CAMK4: variants seen among roughly 807,000 people sequenced by gnomAD.
CAMK4 encodes the protein calcium/calmodulin-dependent protein kinase type IV.
Under a neutral mutation model 44.9 loss-of-function variants are expected in CAMK4, and 22 were observed. That is an observed-to-expected ratio of 0.49 (90% CI 0.35 to 0.70). The LOEUF is 0.70. Among genes scored for constraint, CAMK4 ranks in the 30% least tolerant of loss-of-function variants. The pLI, the probability that CAMK4 is intolerant of heterozygous loss-of-function variation, is 0.01. For missense variants in CAMK4, 498 were observed against 586.8 expected, an observed-to-expected ratio of 0.85 and a Z score of 1.56; for synonymous variants, 218 against 215.4, an observed-to-expected ratio of 1.01 and a Z score of -0.11.
At chr5:111,281,076 T>C (rs1750990981) in intron 1 of CAMK4, among the ~76,000 whole-genome samples, 1 of 152,192 alleles carries the variant, frequency 6.6e-6, no homozygotes, top group Non-Finnish European at 1.5e-5. Flanking sequence ...CAAATCAAGT[T>C]GTGGAAAGTT....
At position 111,343,990 on chromosome 5, in the gene CAMK4, A is replaced by G. The variant is rs770879959; in HGVS notation, c.162-34A>G. On this transcript the variant is annotated intron_variant, in intron 1 of 10. Transcript: ENST00000282356. ...TTCCCCTTTAATTCATGTCCAAAGC[A>G]TAACATTTTCTTTTTGTCTTTTTCC... 5 of 1,282,512 alleles carry G rather than the reference A, an allele frequency of 3.9e-6. No homozygotes were observed. The South Asian group carries it at 4.9e-5, about 13-fold the overall frequency. The allele number at this position is 1,282,512 out of a possible 1,614,324, so 79.4% of individuals were successfully genotyped here.
At chr5:111,473,474 G>A (rs1755135349) in intron 8 of CAMK4, 88 bp downstream of exon 8, 10 of 862,570 alleles carry the variant, frequency 1.2e-5, no homozygotes, top group Middle Eastern at 2.3e-4. Flanking sequence ...AAACCATAAA[G>A]ATTACTTTTT....
In CAMK4 at chr5:111,374,850, G is replaced by A. The variant is rs1580669380; in HGVS notation, c.241G>A (p.Val81Met). ...PYALKVLKKT[V>M]DKKIVRTEIG... is the part of the protein sequence containing the mutation. ...TTATCTCTTTTATTTTGCCTTTTAG[G>A]TGGACAAAAAAATCGTAAGAACTGA... The change falls in exon 3 of 11, where the codon GTG becomes ATG. Residue 81 changes from valine (V) to methionine (M), a missense_variant and splice_region_variant. This residue lies in a region of CAMK4 where 152 missense variants were observed against 143.7 expected (regional missense o/e 1.06). Transcript: ENST00000282356. The A allele has an allele frequency of 1.2e-6, 2 of 1,605,416 alleles. No homozygotes were observed.
chr5:111,458,677 T>G (rs1754525686), intron 7 of CAMK4, among the ~76,000 whole-genome samples: 1 of 152,190 alleles, frequency 6.6e-6, no homozygotes, highest in Non-Finnish European at 1.5e-5. Context: ...GGTTACAGTT[T>G]AAACAAGGTA....
intron 1 of CAMK4, among the ~76,000 whole-genome samples, chr5:111,263,562 G>T (rs373934466): frequency 5.3e-5 from 8 of 152,010 alleles, no homozygotes; most frequent in African/African-American, 1.7e-4. Context: ...CCCTAATCCA[G>T]TTCAACACCC....
In CAMK4 at chr5:111,484,211, G is replaced by A; in HGVS notation, c.1167G>A (p.Gly389=). 6.2e-7 allele frequency: 1 copy of A among 1,614,132 alleles called. No homozygotes were observed. Among genetic ancestry groups the A allele is most frequent in the Non-Finnish European group, 8.5e-7 (1 of 1,180,008 alleles). ...ATGGGGCCCAAGCCGCAGTTAAGGGGGCACAGGCTGAGCTGATGAAGGTGC... is the reference window on the plus strand; with the variant it reads ...ATGGGGCCCAAGCCGCAGTTAAGGGAGCACAGGCTGAGCTGATGAAGGTGC... ...QGDGAQAAVK[G]AQAELMKVQA... Residue 389 remains glycine, a synonymous_variant, in exon 11 of 11, where the codon GGG becomes GGA. Transcript: ENST00000282356. This position sits in a 1 kb window ranked among gnomAD's most constrained non-coding sequence, Gnocchi z 5.3.
At chr5:111,376,378 A>G (rs971345187) in intron 3 of CAMK4, among the ~76,000 whole-genome samples, 2 of 152,018 alleles carry the variant, frequency 1.3e-5, no homozygotes, top group African/African-American at 4.8e-5. Flanking sequence ...ACAGCTTTTT[A>G]ACTATTGATT....
chr5:111,317,430 T>C (rs924488564), intron 1 of CAMK4, among the ~76,000 whole-genome samples: 8 of 152,174 alleles, frequency 5.3e-5, no homozygotes, highest in Admixed American at 1.3e-4. Context: ...TTGAGTTTTC[T>C]TAGGGCAATA....
chr5:111,379,346 G>T (rs1751330298), intron 4 of CAMK4, among the ~76,000 whole-genome samples: 1 of 152,132 alleles, frequency 6.6e-6, no homozygotes, highest in Non-Finnish European at 1.5e-5. Flanking sequence ...AATGGAAAAA[G>T]TAAATGCTAT....
rs1480164925 is a variant in CAMK4, at chr5:111,491,754, A to G, written c.*7288A>G. 4 of 152,318 alleles carry G rather than the reference A, an allele frequency of 2.6e-5. No homozygotes were observed. Among genetic ancestry groups the G allele is most frequent in the East Asian group, 3.9e-4 (2 of 5,190 alleles). 9.4% of individuals were successfully genotyped at this position (152,318 alleles called of 1,614,324 possible). ...CTGGCATTTGCTCACATTTAAGTCA[A>G]TCTACAGCTGTTACTTACTAAGCTA... is the stretch of plus-strand genomic sequence containing the variant. On this transcript the variant is annotated 3_prime_UTR_variant, in exon 11 of 11. Transcript: ENST00000282356.
At chr5:111,353,206 G>A (rs1206809156) in intron 2 of CAMK4, among the ~76,000 whole-genome samples, 1 of 152,020 alleles carries the variant, frequency 6.6e-6, no homozygotes, top group Non-Finnish European at 1.5e-5. Context: ...CAATAAAAAT[G>A]TGTTGCATGC....
chr5:111,277,602 A>G (rs751717518), intron 1 of CAMK4: 6 of 152,214 alleles, frequency 3.9e-5, no homozygotes, highest in Non-Finnish European at 5.9e-5. Flanking sequence ...GAGATAGTCA[A>G]TGTTACTTTG....
intron 5 of CAMK4, among the ~76,000 whole-genome samples, chr5:111,408,192 C>CT (rs1173761063): frequency 1.3e-5 from 2 of 152,076 alleles, no homozygotes; most frequent in African/African-American, 4.8e-5. Context: ...AACAGTGATC[C>CT]TTTCTTTTTA....
chr5:111,420,159 AT>A (rs2112915022), intron 5 of CAMK4, among the ~76,000 whole-genome samples: 1 of 151,112 alleles, frequency 6.6e-6, no homozygotes, highest in South Asian at 2.1e-4. Flanking sequence ...GGTCCTTCAC[AT>A]CCCTTGTAAG....
chr5:111,479,427 C>A (rs1459400773), intron 9 of CAMK4, among the ~76,000 whole-genome samples: 1 of 152,086 alleles, frequency 6.6e-6, no homozygotes, highest in Non-Finnish European at 1.5e-5. Context: ...AAAGAGGATG[C>A]TAACATGAGA....
At chr5:111,241,493 C>T (rs1748990657) in intron 1 of CAMK4, among the ~76,000 whole-genome samples, 1 of 152,152 alleles carries the variant, frequency 6.6e-6, no homozygotes, top group African/African-American at 2.4e-5. Flanking sequence ...ACCTCTGTCA[C>T]TTTCCAGGTT....
At chr5:111,320,652 A>G (rs1291242880) in intron 1 of CAMK4, among the ~76,000 whole-genome samples, 1 of 152,118 alleles carries the variant, frequency 6.6e-6, no homozygotes, top group Non-Finnish European at 1.5e-5. Context: ...GATTACAGGC[A>G]TGCACCACCA....
In CAMK4 at chr5:111,294,482, C is replaced by T. The variant is rs1580542657; in HGVS notation, c.162-49542C>T. Among the ~76,000 whole-genome samples the T allele has an allele frequency of 2.0e-5, 3 of 152,158 alleles. No individual in the cohort carries two copies. The East Asian group carries it at 5.8e-4, about 29-fold the overall frequency. ...TATTTTGAGATATTAGAAGAAACAG[C>T]TTAAAAGGTGGAGGATGCCACAAAT... On this transcript the variant is annotated intron_variant, in intron 1 of 10. Transcript: ENST00000282356.
At chr5:111,338,758 TC>T (rs1197924794) in intron 1 of CAMK4, among the ~76,000 whole-genome samples, 1 of 151,464 alleles carries the variant, frequency 6.6e-6, no homozygotes. Flanking sequence ...TTGTTGAAGA[TC>T]CGATGGCTGT....
Sources: gnomAD v4.1 joint callset for allele counts (sites outside exome capture counted in the v4.1 genomes callset) on GRCh38, gnomAD v4.1.1 for gene constraint, gnomAD v4.1.1 regional missense constraint, Gnocchi (gnomAD v3.1) non-coding constraint, MANE v1.5 for transcripts, NCBI Gene and HGNC (gene_info 2026-07-23, HGNC 2026-07-21) for gene names.